The following MAGI2 variants were observed in gnomAD, a reference collection of about 807,000 sequenced individuals.
MAGI2 encodes membrane associated guanylate kinase, WW and PDZ domain containing 2.
MAGI2 carries 35 observed loss-of-function variants against 133.3 expected under a neutral mutation model. The ratio of observed to expected loss-of-function variants is 0.26; its 90% CI spans 0.20 to 0.35. The LOEUF (loss-of-function observed/expected upper bound fraction) is 0.35, where lower values mean the gene tolerates loss of function less well. Among genes scored for constraint, MAGI2 ranks in the 10% least tolerant of loss-of-function variants. The pLI is 1.00. For synonymous variants in MAGI2, 729 were observed against 710.6 expected, an observed-to-expected ratio of 1.03 and a Z score of -0.41; for missense variants, 1,636 against 1,863.4, an observed-to-expected ratio of 0.88 and a Z score of 2.25.
intron 6 of MAGI2, among the ~76,000 whole-genome samples, chr7:78,467,972 G>GA (rs1426983995): frequency 6.6e-6 from 1 of 152,120 alleles, no homozygotes; most frequent in Non-Finnish European, 1.5e-5. Context: ...TATTTCTGGA[G>GA]AAATATTCTG....
intron 16 of MAGI2, among the ~76,000 whole-genome samples, chr7:78,145,830 C>A (rs986738501): frequency 2.0e-5 from 3 of 152,100 alleles, no homozygotes; most frequent in Admixed American, 6.6e-5. Flanking sequence ...GAGCTCTGGT[C>A]TTTTCATCTT....
At chr7:78,534,790 G>A (rs780904600) in intron 3 of MAGI2, among the ~76,000 whole-genome samples, 2 of 152,158 alleles carry the variant, frequency 1.3e-5, no homozygotes, top group Non-Finnish European at 2.9e-5. Context: ...AGTAGAGTCA[G>A]TGAAGGAAAG....
intron 1 of MAGI2, among the ~76,000 whole-genome samples, chr7:79,024,974 A>G (rs1809728971): frequency 6.6e-6 from 1 of 152,194 alleles, no homozygotes; most frequent in Non-Finnish European, 1.5e-5. Context: ...AAATAGATCT[A>G]CTATTTGACC....
chr7:78,656,009 G>C (rs1320111741), intron 2 of MAGI2, among the ~76,000 whole-genome samples: 2 of 141,168 alleles, frequency 1.4e-5, no homozygotes, highest in South Asian at 4.5e-4. Context: ...AAAAAGAAAA[G>C]AGGTTTGAAA....
chr7:78,686,485 C>T (rs1462425730), intron 2 of MAGI2, among the ~76,000 whole-genome samples: 1 of 150,022 alleles, frequency 6.7e-6, no homozygotes, highest in Non-Finnish European at 1.5e-5. Flanking sequence ...GTAAATCATG[C>T]AGTTACATGT....
intron 1 of MAGI2, among the ~76,000 whole-genome samples, chr7:79,399,110 T>TGGGGG (rs1228846004): frequency 3.4e-5 from 5 of 146,300 alleles, no homozygotes; most frequent in South Asian, 4.4e-4. Flanking sequence ...TTTTTTTTTT[T>TGGGGG]GGGAGATGGA....
chr7:78,165,608 C>T (rs1386227241), intron 15 of MAGI2, among the ~76,000 whole-genome samples: 2 of 152,140 alleles, frequency 1.3e-5, no homozygotes, highest in Admixed American at 6.6e-5. Flanking sequence ...CAGCACTGCT[C>T]CTCTGTGCAA....
chr7:78,126,959 G>A (rs1236991191), intron 19 of MAGI2, among the ~76,000 whole-genome samples: 2 of 152,174 alleles, frequency 1.3e-5, no homozygotes, highest in East Asian at 1.9e-4. Flanking sequence ...CTACTCATCC[G>A]CTATTTATTT....
intron 5 of MAGI2, among the ~76,000 whole-genome samples, chr7:78,495,466 T>C (rs1183476080): frequency 6.6e-6 from 1 of 152,194 alleles, no homozygotes; most frequent in Non-Finnish European, 1.5e-5. Flanking sequence ...ATCAGGATGA[T>C]TGTAACATTT....
chr7:78,879,184 A>G (rs777879222), intron 2 of MAGI2, among the ~76,000 whole-genome samples: 2 of 152,122 alleles, frequency 1.3e-5, no homozygotes, highest in African/African-American at 2.4e-5. Context: ...AAATGCTTGT[A>G]CTTGCCACTG....
At chr7:78,675,064 C>CTA (rs1233408722) in intron 2 of MAGI2, among the ~76,000 whole-genome samples, 2 of 152,112 alleles carry the variant, frequency 1.3e-5, no homozygotes, top group African/African-American at 4.8e-5. Flanking sequence ...AACTTCAGAA[C>CTA]TATAGATGAC....
At chr7:79,349,638 C>T (rs1420805549) in intron 1 of MAGI2, among the ~76,000 whole-genome samples, 11 of 151,938 alleles carry the variant, frequency 7.2e-5, no homozygotes, top group African/African-American at 1.2e-4. Context: ...TGCTAGAAGG[C>T]GAACCCAGAA....
At chr7:78,701,968 G>A (rs1378600575) in intron 2 of MAGI2, among the ~76,000 whole-genome samples, 1 of 151,892 alleles carries the variant, frequency 6.6e-6, no homozygotes. Context: ...GATGTGCCAG[G>A]ATTCTCCTGC....
intron 9 of MAGI2, among the ~76,000 whole-genome samples, chr7:78,292,063 G>GT (rs1292251620): frequency 1.3e-5 from 2 of 152,142 alleles, no homozygotes; most frequent in East Asian, 3.9e-4. Context: ...ATTCAACATA[G>GT]TATTGGAAGT....
At chr7:78,110,145 T>C (rs543232717) in intron 20 of MAGI2, among the ~76,000 whole-genome samples, 1 of 152,192 alleles carries the variant, frequency 6.6e-6, no homozygotes, top group African/African-American at 2.4e-5. Flanking sequence ...AGGGAGGCAG[T>C]ATTTGAAAAC....
rs10255517 is a variant in MAGI2, at chr7:79,197,935, G to A, written c.302-190729C>T. ...ATTACATTTCAACATGAATTTTGGA[G>A]GGACCCAAACATTAAAACCATAGCA... is the stretch of plus-strand genomic sequence containing the variant. On this transcript the variant is annotated intron_variant, in intron 1 of 21. Transcript: ENST00000354212. 3.4e-4 allele frequency among the ~76,000 whole-genome samples: 51 copies of A among 151,774 alleles called. 1 individual carries two copies. Among genetic ancestry groups the A allele is most frequent in the African/African-American group, 1.2e-3 (48 of 41,182 alleles).
At chr7:78,821,817 C>T (rs1291525074) in intron 2 of MAGI2, among the ~76,000 whole-genome samples, 1 of 151,786 alleles carries the variant, frequency 6.6e-6, no homozygotes, top group Non-Finnish European at 1.5e-5. Context: ...AAATATTTAA[C>T]CTTTTAAAGT....
rs556844841 is a variant in MAGI2 at position 78,369,074 on chromosome 7, G to T, written c.1103+82C>A. On this transcript the variant is annotated intron_variant, in intron 7 of 21. Transcript: ENST00000354212. ...TGAAAGGGAAATGAAGGGGCTGTGA[G>T]CCACACATGCTCAATAAATAAAATA... The T allele has an allele frequency of 7.3e-4, 707 of 971,302 alleles. 3 individuals are homozygous for T. Among genetic ancestry groups the T allele is most frequent in the Admixed American group, 9.6e-4 (42 of 43,666 alleles). The allele number at this position is 971,302 out of a possible 1,614,324, so 60.2% of individuals were successfully genotyped here.
At chr7:79,281,118 A>G (rs1010143752) in intron 1 of MAGI2, among the ~76,000 whole-genome samples, 29 of 152,038 alleles carry the variant, frequency 1.9e-4, no homozygotes, top group Admixed American at 1.4e-3. Context: ...AAAGAAGATA[A>G]CATGTACTGA....
Sources: allele counts gnomAD v4.1 joint callset (sites outside exome capture counted in the v4.1 genomes callset), GRCh38; gene constraint gnomAD v4.1.1; transcripts MANE v1.5; gene names NCBI Gene and HGNC (gene_info 2026-07-23, HGNC 2026-07-21).